The following SMC5 variants were observed in gnomAD, a reference collection of about 807,000 sequenced individuals.
SMC5 encodes structural maintenance of chromosomes protein 5.
Under a neutral mutation model 148.3 loss-of-function variants are expected in SMC5, and 88 were observed. The ratio of observed to expected loss-of-function variants is 0.59; its 90% CI spans 0.50 to 0.71. SMC5 has a LOEUF of 0.71. Ranked by LOEUF, SMC5 falls within the 30% of genes least tolerant of loss-of-function variation. SMC5 has a pLI of 0.00. For missense variants in SMC5, 1,142 were observed against 1,298.9 expected (o/e 0.88, Z 1.86); for synonymous variants, 421 against 432.8 (o/e 0.97, Z 0.34).
At chr9:70,301,274 G>A (rs1318489676) in intron 10 of SMC5, among the ~76,000 whole-genome samples, 1 of 152,176 alleles carries the variant, frequency 6.6e-6, no homozygotes, top group African/African-American at 2.4e-5. Flanking sequence ...AACTGTATTA[G>A]ATTTGTCTCC....
At chr9:70,331,331 T>G (rs546018174) in intron 17 of SMC5, among the ~76,000 whole-genome samples, 2 of 152,308 alleles carry the variant, frequency 1.3e-5, no homozygotes, top group Admixed American at 6.5e-5. Flanking sequence ...TAAAAGGACT[T>G]AAGAAATGTA....
intron 10 of SMC5, among the ~76,000 whole-genome samples, chr9:70,302,817 G>T (rs1003455891): frequency 6.6e-6 from 1 of 152,192 alleles, no homozygotes; most frequent in African/African-American, 2.4e-5. Flanking sequence ...GACCCTACTT[G>T]TGTGACTTCC....
At chr9:70,318,475 T>A in intron 13 of SMC5, 39 bp from the exon 14 acceptor site, 1 of 1,377,526 alleles carries the variant, frequency 7.3e-7, no homozygotes, top group Non-Finnish European at 9.7e-7. Flanking sequence ...AACATATAAT[T>A]TATATTAGAT....
chr9:70,348,580 A>G (rs999090981), intron 22 of SMC5, among the ~76,000 whole-genome samples: 13 of 151,578 alleles, frequency 8.6e-5, no homozygotes, highest in African/African-American at 2.7e-4. Context: ...GGTCCCAGCT[A>G]CTCTGGAGGC....
intron 11 of SMC5, among the ~76,000 whole-genome samples, chr9:70,312,895 T>C (rs1302713582): frequency 1.3e-5 from 2 of 152,206 alleles, no homozygotes; most frequent in Non-Finnish European, 2.9e-5. Flanking sequence ...CTTTGTAATG[T>C]TTTTGTCAAG....
At chr9:70,275,699 A>T (rs2034572961) in intron 3 of SMC5, among the ~76,000 whole-genome samples, 1 of 150,504 alleles carries the variant, frequency 6.6e-6, no homozygotes, top group Admixed American at 6.6e-5. Context: ...ATGCTTATAA[A>T]CTCATTTCTT....
rs955962315 is a variant in SMC5, at chr9:70,278,366, G to T, written c.544-125G>T. 1.7e-5 allele frequency: 14 copies of T among 841,314 alleles called. No homozygotes were observed. In the African/African-American group the frequency reaches 2.3e-4, roughly 14 times the overall value. 52.1% of individuals were successfully genotyped at this position (841,314 alleles called of 1,614,324 possible). A position where few individuals can be genotyped will look rare whatever the true frequency, so the allele number is the denominator to read the frequency against. On this transcript the variant is annotated intron_variant, in intron 4 of 24. Coordinates refer to ENST00000361138, the MANE Select transcript of SMC5 (RefSeq NM_015110.4). ...TTATTCTAAAGAATAATGCACAAAA[G>T]GTTTATATCTCAAATGTTTTTTTTA...
At chr9:70,270,184 C>A (rs2034405632) in intron 3 of SMC5, among the ~76,000 whole-genome samples, 1 of 152,170 alleles carries the variant, frequency 6.6e-6, no homozygotes, top group Admixed American at 6.5e-5. Context: ...TCTCAGGACC[C>A]CTTTCTTGGT....
intron 8 of SMC5, among the ~76,000 whole-genome samples, chr9:70,289,172 G>T (rs1287735217): frequency 2.0e-5 from 3 of 151,962 alleles, no homozygotes; most frequent in African/African-American, 7.3e-5. Context: ...CAAGTAGCTG[G>T]GACTACAGGC....
At chr9:70,301,870 A>G (rs535277245) in intron 10 of SMC5, among the ~76,000 whole-genome samples, 1 of 152,326 alleles carries the variant, frequency 6.6e-6, no homozygotes, top group South Asian at 2.1e-4. Flanking sequence ...TTGTTTAAAA[A>G]ATCATAAAGC....
At chr9:70,327,799 T>C (rs1039800771) in intron 17 of SMC5, among the ~76,000 whole-genome samples, 13 of 152,162 alleles carry the variant, frequency 8.5e-5, no homozygotes, top group Admixed American at 6.5e-5. Flanking sequence ...CACTGTGGAA[T>C]AGGGTATCTC....
At chr9:70,314,646 C>T (rs910417553) in intron 11 of SMC5, 96 bp from the exon 12 acceptor site, 1 of 507,982 alleles carries the variant, frequency 2.0e-6, no homozygotes, top group Middle Eastern at 3.2e-4. Context: ...GTTTCTTATC[C>T]ATCCCACGAA....
At chr9:70,327,340 G>A (rs2036106843) in intron 17 of SMC5, among the ~76,000 whole-genome samples, 1 of 152,172 alleles carries the variant, frequency 6.6e-6, no homozygotes, top group Admixed American at 6.5e-5. Flanking sequence ...TACATGAAGA[G>A]ATAATAGATA....
intron 17 of SMC5, among the ~76,000 whole-genome samples, chr9:70,328,851 T>G (rs1242674148): frequency 6.6e-6 from 1 of 152,220 alleles, no homozygotes; most frequent in Non-Finnish European, 1.5e-5. Flanking sequence ...TCCAGGCATT[T>G]CCATACATCC....
chr9:70,339,160 T>TGG (rs1372074973), intron 17 of SMC5, among the ~76,000 whole-genome samples: 4 of 152,298 alleles, frequency 2.6e-5, no homozygotes, highest in Middle Eastern at 6.8e-3. Flanking sequence ...CTGGGCACGG[T>TGG]GGCTCACGCC....
intron 17 of SMC5, among the ~76,000 whole-genome samples, chr9:70,337,204 A>T (rs2036381137): frequency 6.6e-6 from 1 of 152,196 alleles, no homozygotes; most frequent in African/African-American, 2.4e-5. Flanking sequence ...TGGTGCCTGA[A>T]GTTTTACTTT....
At chr9:70,333,258 T>C (rs1317196490) in intron 17 of SMC5, among the ~76,000 whole-genome samples, 4 of 152,122 alleles carry the variant, frequency 2.6e-5, no homozygotes, top group Non-Finnish European at 5.9e-5. Context: ...CTACAAACAA[T>C]GAACAATTGG....
rs369152021 is a variant in SMC5, at chr9:70,305,345, G to A, written c.1563G>A (p.Glu521=). The A allele has an allele frequency of 2.5e-6, 4 of 1,594,192 alleles. No individual in the cohort carries two copies. Among genetic ancestry groups the A allele is most frequent in the African/African-American group, 1.3e-5 (1 of 74,210 alleles). ...TATTTGAAAGTCAAGAAGATATGGA[G>A]GTTTTCCTCAAAGAGGCAAGTACTA... ...AFVFESQEDM[E]VFLKEVRDNK... is the part of the protein sequence containing the mutation. The change falls in exon 11 of 25, where the codon GAG becomes GAA. Residue 521 remains glutamate, a synonymous_variant. Coordinates refer to ENST00000361138, the MANE Select transcript of SMC5 (RefSeq NM_015110.4).
chr9:70,302,111 G>A (rs912324720), intron 10 of SMC5, among the ~76,000 whole-genome samples: 2 of 152,178 alleles, frequency 1.3e-5, no homozygotes, highest in Non-Finnish European at 2.9e-5. Flanking sequence ...CATGGCTCAC[G>A]CCTGTAATCC....
Sources: gnomAD v4.1 joint callset for allele counts (sites outside exome capture counted in the v4.1 genomes callset) on GRCh38, gnomAD v4.1.1 for gene constraint, MANE v1.5 for transcripts, NCBI Gene and HGNC (gene_info 2026-07-23, HGNC 2026-07-21) for gene names.